The following ARHGAP8 variants were observed in gnomAD, a reference collection of about 807,000 sequenced individuals.
ARHGAP8 encodes rho GTPase-activating protein 8.
A neutral mutation model predicts 46.1 loss-of-function variants in ARHGAP8; 62 were observed. That is an observed-to-expected ratio of 1.34 (90% CI 1.10 to 1.66). The LOEUF (loss-of-function observed/expected upper bound fraction) is 1.66, where lower values mean the gene tolerates loss of function less well. ARHGAP8 is among the 40% of genes most tolerant of loss of function. The pLI is 0.00. For synonymous variants in ARHGAP8, 375 were observed against 243.1 expected (o/e 1.54, Z -5.05); for missense variants, 923 against 568.4 (o/e 1.62, Z -6.34).
rs71188484 is a variant in ARHGAP8 at position 44,772,223 on chromosome 22, C to CTTTTTTTTTTTTTTTTTTTT, written c.-71-14223_-71-14204dup. Among the ~76,000 whole-genome samples the CTTTTTTTTTTTTTTTTTTTT allele has an allele frequency of 2.4e-4, 4 of 16,430 alleles. 1 individual carries two copies. The highest frequency in any genetic ancestry group is 3.3e-4 in the Non-Finnish European group (2 of 6,092). The allele number at this position is 16,430 out of a possible 152,430, so 10.8% of individuals were successfully genotyped here. ...TGTTTCTGTTTTACTACTGTTTTGC[C>CTTTTTTTTTTTTTTTTTTTT]TTTTTTTTTTTTTTTTTTTTTTTTT... is the stretch of plus-strand genomic sequence containing the variant. On this transcript the variant is annotated intron_variant, in intron 1 of 11. Coordinates refer to ENST00000356099, the MANE Select transcript of ARHGAP8 (RefSeq NM_181335.3).
chr22:44,859,285 T>G (rs1012757934), intron 10 of ARHGAP8, among the ~76,000 whole-genome samples: 4 of 152,166 alleles, frequency 2.6e-5, no homozygotes, highest in Non-Finnish European at 4.4e-5. Flanking sequence ...GGCAGATACC[T>G]CATGGGTTGG....
At chr22:44,852,776 TC>T (rs1451296933) in intron 10 of ARHGAP8, among the ~76,000 whole-genome samples, 3 of 152,090 alleles carry the variant, frequency 2.0e-5, no homozygotes, top group South Asian at 2.1e-4. Flanking sequence ...AACCATAAGT[TC>T]CGGGGATTTT....
intron 7 of ARHGAP8, among the ~76,000 whole-genome samples, chr22:44,842,341 A>T (rs1212111539): frequency 6.6e-6 from 1 of 152,058 alleles, no homozygotes; most frequent in Admixed American, 6.5e-5. Context: ...TGGGGGACAG[A>T]GCGAGACTCC....
intron 7 of ARHGAP8, among the ~76,000 whole-genome samples, chr22:44,842,680 G>A (rs1931733857): frequency 6.6e-6 from 1 of 152,194 alleles, no homozygotes; most frequent in African/African-American, 2.4e-5. Flanking sequence ...GGCACTGGCA[G>A]GCAGGAGCCC....
intron 1 of ARHGAP8, chr22:44,786,209 T>C: frequency 1.7e-6 from 1 of 586,656 alleles, no homozygotes; most frequent in Non-Finnish European, 3.0e-6. Context: ...TAGTGGGTGC[T>C]CGACTGATGT....
chr22:44,765,833 A>G (rs1300768828), intron 1 of ARHGAP8: 1 of 152,474 alleles, frequency 6.6e-6, no homozygotes, highest in African/African-American at 2.4e-5. Context: ...CTGTGGGTGT[A>G]GATGATTGAG....
rs1927233299 is a variant in ARHGAP8, at chr22:44,786,350, G to T, written c.-71-107G>T. 3 of 1,422,078 alleles carry T rather than the reference G, an allele frequency of 2.1e-6. No individual in the cohort carries two copies. The East Asian group carries it at 7.5e-5, about 35-fold the overall frequency. The allele number at this position is 1,422,078 out of a possible 1,614,324, so 88.1% of individuals were successfully genotyped here. A position where few individuals can be genotyped will look rare whatever the true frequency, so the allele number is the denominator to read the frequency against. ...ACGGCTGAGGTAGGGCGCGTAGTGG[G>T]TGTGCAGCAGAGGTGGGTGACTGTC... On this transcript the variant is annotated intron_variant, in intron 1 of 11. Transcript: ENST00000356099.
chr22:44,862,723 C>T lies in ARHGAP8; in HGVS notation c.*128C>T, dbSNP rs1174821446. 2 of 1,171,266 alleles carry T rather than the reference C, an allele frequency of 1.7e-6. No individual in the cohort carries two copies. The highest frequency in any genetic ancestry group is 1.5e-5 in the African/African-American group (1 of 64,968). 72.6% of individuals were successfully genotyped at this position (1,171,266 alleles called of 1,614,324 possible). A position where few individuals can be genotyped will look rare whatever the true frequency, so the allele number is the denominator to read the frequency against. Reference sequence around the variant, plus strand: ...AATTCAGAACCTTCTAATGAAAACTCCATGCCTCTGGTCCTTGGACTCTTG... The same window carrying T: ...AATTCAGAACCTTCTAATGAAAACTTCATGCCTCTGGTCCTTGGACTCTTG... On this transcript the variant is annotated 3_prime_UTR_variant, in exon 12 of 12. Transcript: ENST00000356099.
intron 7 of ARHGAP8, among the ~76,000 whole-genome samples, chr22:44,839,797 A>G (rs1263120528): frequency 6.6e-6 from 1 of 152,194 alleles, no homozygotes; most frequent in East Asian, 1.9e-4. Context: ...CACTTCACAG[A>G]TTCTCCAGGA....
chr22:44,752,988 A>G (rs1469103152), intron 1 of ARHGAP8, among the ~76,000 whole-genome samples: 1 of 151,342 alleles, frequency 6.6e-6, no homozygotes, highest in Admixed American at 6.6e-5. Flanking sequence ...GTGTCAGCTC[A>G]AATGTTCCTT....
chr22:44,786,281 G>A (rs1927221798), intron 1 of ARHGAP8, among the ~76,000 whole-genome samples, 176 bp from the exon 2 acceptor site: 2 of 151,184 alleles, frequency 1.3e-5, no homozygotes, highest in Non-Finnish European at 3.0e-5. Flanking sequence ...CTGAGGCAGG[G>A]CGCCTAGTGG....
intron 9 of ARHGAP8, among the ~76,000 whole-genome samples, 165 bp downstream of exon 9, chr22:44,848,215 G>A (rs2070007959): frequency 6.6e-6 from 1 of 152,232 alleles, no homozygotes; most frequent in African/African-American, 2.4e-5. Flanking sequence ...GGGGCCCACT[G>A]GTAGTCCAGA....
intron 1 of ARHGAP8, among the ~76,000 whole-genome samples, chr22:44,770,013 A>C (rs1925879309): frequency 6.6e-6 from 1 of 152,174 alleles, no homozygotes; most frequent in African/African-American, 2.4e-5. Flanking sequence ...TGGGAGGCCG[A>C]GGCAGGTGGA....
chr22:44,759,327 G>A (rs1924940148), intron 1 of ARHGAP8, among the ~76,000 whole-genome samples: 1 of 152,178 alleles, frequency 6.6e-6, no homozygotes. Flanking sequence ...GATGAGGGCT[G>A]TGATGGACCT....
At chr22:44,811,973 G>A (rs1929365219) in intron 4 of ARHGAP8, among the ~76,000 whole-genome samples, 1 of 149,998 alleles carries the variant, frequency 6.7e-6, no homozygotes, top group South Asian at 2.2e-4. Flanking sequence ...CTCCATCCTG[G>A]GCAACAGAGT....
chr22:44,762,463 C>A (rs1399914542), intron 1 of ARHGAP8, among the ~76,000 whole-genome samples: 1 of 151,448 alleles, frequency 6.6e-6, no homozygotes, highest in African/African-American at 2.4e-5. Context: ...TTTGTTAGGT[C>A]TTTGTCCCTG....
At chr22:44,785,455 G>A (rs570377198) in intron 1 of ARHGAP8, among the ~76,000 whole-genome samples, 5 of 152,008 alleles carry the variant, frequency 3.3e-5, no homozygotes, top group African/African-American at 9.7e-5. Flanking sequence ...CTTGGCTTGC[G>A]GCCGCATCAC....
At chr22:44,857,951 T>C (rs62232225) in intron 10 of ARHGAP8, among the ~76,000 whole-genome samples, 22,639 of 129,140 alleles carry the variant, frequency 0.18, 2,211 homozygotes, top group African/African-American at 0.31. Flanking sequence ...ACCACAGAGC[T>C]GAGGGTGACC....
chr22:44,786,452 C>G lies in ARHGAP8; in HGVS notation c.-71-5C>G. ...ACTGACTTCCTTTAATCTTCTTTGC[C>G]GCAGAGCTGCAGAGAGACAAGGCGG... On this transcript the variant is annotated splice_region_variant and splice_polypyrimidine_tract_variant and intron_variant, in intron 1 of 11. Coordinates refer to ENST00000356099, the MANE Select transcript of ARHGAP8 (RefSeq NM_181335.3). 1 of 1,590,206 alleles carries G rather than the reference C, an allele frequency of 6.3e-7. No homozygotes were observed. Among genetic ancestry groups the G allele is most frequent in the East Asian group, 2.3e-5 (1 of 43,212 alleles).
Sources: allele counts gnomAD v4.1 joint callset (sites outside exome capture counted in the v4.1 genomes callset), GRCh38; gene constraint gnomAD v4.1.1; transcripts MANE v1.5; gene names NCBI Gene and HGNC (gene_info 2026-07-23, HGNC 2026-07-21).